Variants in WT1 observed in about 807,000 individuals in gnomAD.
WT1 encodes the protein Wilms tumor protein.
Under a neutral mutation model 60.8 loss-of-function variants are expected in WT1, and 8 were observed. That is an observed-to-expected ratio of 0.13 (90% CI 0.08 to 0.24). The LOEUF is 0.24. Among genes scored for constraint, WT1 ranks in the 10% least tolerant of loss-of-function variants. The pLI, the probability that WT1 is intolerant of heterozygous loss-of-function variation, is 1.00. For synonymous variants in WT1, 312 were observed against 297.1 expected, an observed-to-expected ratio of 1.05 and a Z score of -0.52; for missense variants, 568 against 711.8, an observed-to-expected ratio of 0.80 and a Z score of 2.30.
chr11:32,390,676 C>G (rs557905573), intron 9 of WT1, among the ~76,000 whole-genome samples: 1 of 152,322 alleles, frequency 6.6e-6, no homozygotes, highest in East Asian at 1.9e-4. Context: ...AGGGCTGGCT[C>G]CTAATGGACT....
chr11:32,428,932 A>G, intron 1 of WT1: 1 of 440,996 alleles, frequency 2.3e-6, no homozygotes, highest in South Asian at 2.1e-5. Context: ...CAAATTAAGT[A>G]TAAAACTCGT....
Position 32,388,007 on chromosome 11 carries a change from C to CA in WT1, c.*1050dup, listed in dbSNP as rs1159495526. 6.7e-5 allele frequency: 5 copies of CA among 74,124 alleles called. No individual in the cohort carries two copies. The highest frequency in any genetic ancestry group is 2.6e-4 in the African/African-American group (2 of 7,744). 4.6% of individuals were successfully genotyped at this position (74,124 alleles called of 1,614,324 possible). A position where few individuals can be genotyped will look rare whatever the true frequency, so the allele number is the denominator to read the frequency against. ...TTAAAAAACAAAACACAACACAACA[C>CA]ACACACACACACACACACACACACA... On this transcript the variant is annotated 3_prime_UTR_variant, in exon 10 of 10. Transcript: ENST00000452863.
At chr11:32,425,718 C>T (rs574829246) in intron 3 of WT1, among the ~76,000 whole-genome samples, 1 of 152,262 alleles carries the variant, frequency 6.6e-6, no homozygotes, top group African/African-American at 2.4e-5. Flanking sequence ...TGAGATGTTA[C>T]TACTTGGGAA....
At chr11:32,393,105 T>C (rs1297142545) in intron 7 of WT1, among the ~76,000 whole-genome samples, 2 of 152,134 alleles carry the variant, frequency 1.3e-5, no homozygotes, top group African/African-American at 4.8e-5. Context: ...GAAGGCGTGC[T>C]CAAAAACTAT....
intron 5 of WT1, among the ~76,000 whole-genome samples, chr11:32,407,464 G>A (rs1281381457): frequency 2.0e-5 from 3 of 152,184 alleles, no homozygotes; most frequent in Non-Finnish European, 4.4e-5. Context: ...GCATTCATAT[G>A]AATATTCAAA....
At chr11:32,425,998 C>A (rs564894254) in intron 3 of WT1, among the ~76,000 whole-genome samples, 2 of 152,218 alleles carry the variant, frequency 1.3e-5, no homozygotes, top group East Asian at 3.9e-4. Context: ...GCTATTAAAC[C>A]AGTGGTAATG....
Position 32,434,980 on chromosome 11 carries a change from G to A in WT1, c.381C>T (p.Pro127=), listed in dbSNP as rs771681406. Reference sequence around the variant, plus strand: ...GTGGCGGCGGAGCCGGTGGCGGCGCGGGGCCGCCCAACGACCCGTAAGCCG... The same window carrying A: ...GTGGCGGCGGAGCCGGTGGCGGCGCAGGGCCGCCCAACGACCCGTAAGCCG... Residue 127 remains proline (P), a synonymous_variant, in exon 1 of 10, where the codon CCC becomes CCT. Coordinates refer to ENST00000452863, the MANE Select transcript of WT1 (RefSeq NM_024426.6). 3 of 1,518,646 alleles carry A rather than the reference G, an allele frequency of 2.0e-6. No individual in the cohort carries two copies. Among genetic ancestry groups the A allele is most frequent in the Admixed American group, 2.2e-5 (1 of 46,260 alleles). The allele number at this position is 1,518,646 out of a possible 1,614,324, so 94.1% of individuals were successfully genotyped here.
intron 5 of WT1, among the ~76,000 whole-genome samples, chr11:32,407,928 G>A (rs1284481720): frequency 6.6e-6 from 1 of 152,114 alleles, no homozygotes; most frequent in African/African-American, 2.4e-5. Flanking sequence ...AAGCCTCTAG[G>A]AAATACAGGG....
chr11:32,389,017 T>G lies in WT1; in HGVS notation c.*41A>C. The G allele has an allele frequency of 1.9e-6, 3 of 1,613,898 alleles. No homozygotes were observed. The highest frequency in any genetic ancestry group is 2.5e-6 in the Non-Finnish European group (3 of 1,179,900). On this transcript the variant is annotated 3_prime_UTR_variant, in exon 10 of 10. Coordinates refer to ENST00000452863, the MANE Select transcript of WT1 (RefSeq NM_024426.6). ...TCAGACTTGAAAGCAGTTCACACAC[T>G]GTGCTGCCTGGGACACTGAACGGTC...
chr11:32,407,161 G>A (rs1285807890), intron 5 of WT1, among the ~76,000 whole-genome samples: 3 of 152,178 alleles, frequency 2.0e-5, no homozygotes, highest in East Asian at 3.9e-4. Flanking sequence ...TTTGCAAAAA[G>A]AGAAAAATGT....
chr11:32,414,358 C>T (rs1852598225), intron 5 of WT1, among the ~76,000 whole-genome samples: 1 of 152,186 alleles, frequency 6.6e-6, no homozygotes, highest in Non-Finnish European at 1.5e-5. Flanking sequence ...CTGCAACCTC[C>T]GCCTCCCAAG....
intron 5 of WT1, among the ~76,000 whole-genome samples, chr11:32,403,158 A>C (rs1852206053): frequency 6.6e-6 from 1 of 152,066 alleles, no homozygotes; most frequent in Non-Finnish European, 1.5e-5. Context: ...CCATGAGGAA[A>C]AAAAAAACAG....
intron 1 of WT1, 35 bp from the exon 2 acceptor site, chr11:32,428,654 G>A (rs200615977): frequency 3.1e-6 from 5 of 1,605,684 alleles, no homozygotes; most frequent in Non-Finnish European, 4.2e-6. Context: ...CAGTGTCAGC[G>A]GTGCTCTCGC....
At chr11:32,427,521 T>C (rs1299383363) in intron 3 of WT1, among the ~76,000 whole-genome samples, 1 of 151,744 alleles carries the variant, frequency 6.6e-6, no homozygotes, top group Admixed American at 6.6e-5. Context: ...AGGGTTGAGG[T>C]GGGGAGAAGG....
Position 32,435,352 on chromosome 11 carries a change from G to A in WT1, c.9C>T (p.Phe3=). 1 of 1,527,006 alleles carries A rather than the reference G, an allele frequency of 6.5e-7. No individual in the cohort carries two copies. Among genetic ancestry groups the A allele is most frequent in the Non-Finnish European group, 8.7e-7 (1 of 1,143,042 alleles). 94.6% of individuals were successfully genotyped at this position (1,527,006 alleles called of 1,614,324 possible). The change falls in exon 1 of 10, where the codon TTC becomes TTT. Residue 3 remains phenylalanine, a synonymous_variant. Transcript: ENST00000452863. Reference sequence around the variant, plus strand: ...TGGAAGCCGGGTCCTGCAGCAAGAGGAAGTCCAGGATCGCGGCGAGGAGAC... The same window carrying A: ...TGGAAGCCGGGTCCTGCAGCAAGAGAAAGTCCAGGATCGCGGCGAGGAGAC...
At chr11:32,392,541 A>G (rs962950745) in intron 8 of WT1, 125 bp downstream of exon 8, 78 of 947,658 alleles carry the variant, frequency 8.2e-5, no homozygotes, top group Middle Eastern at 4.2e-4. Context: ...TTATGGGGGG[A>G]AAATACTGGA....
chr11:32,431,150 C>T (rs888427884), intron 1 of WT1, among the ~76,000 whole-genome samples: 1 of 152,202 alleles, frequency 6.6e-6, no homozygotes, highest in African/African-American at 2.4e-5. Context: ...AACCGCCTGG[C>T]CTGGCCGGGC....
chr11:32,404,043 G>A (rs1017769016), intron 5 of WT1, among the ~76,000 whole-genome samples: 3 of 152,002 alleles, frequency 2.0e-5, no homozygotes, highest in Non-Finnish European at 4.4e-5. Context: ...GGAGGCCGAG[G>A]CAGGCGGATC....
rs1590325359 is a variant in WT1 at position 32,388,761 on chromosome 11, G to A, written c.*297C>T. 2.0e-6 allele frequency: 1 copy of A among 501,910 alleles called. No individual in the cohort carries two copies. The highest frequency in any genetic ancestry group is 3.4e-5 in the East Asian group (1 of 29,248). The allele number at this position is 501,910 out of a possible 1,614,324, so 31.1% of individuals were successfully genotyped here. ...GGGAAGGGTCAGGGGGACATGATCA[G>A]CTATGGCTCTTCTTACAGTAGAAAA... On this transcript the variant is annotated 3_prime_UTR_variant, in exon 10 of 10. Transcript: ENST00000452863.
Sources: gnomAD v4.1 joint callset for allele counts (sites outside exome capture counted in the v4.1 genomes callset) on GRCh38, gnomAD v4.1.1 for gene constraint, MANE v1.5 for transcripts, NCBI Gene and HGNC (gene_info 2026-07-23, HGNC 2026-07-21) for gene names.